PDE4D: variants seen among roughly 807,000 people sequenced by gnomAD.
PDE4D encodes 3',5'-cyclic-AMP phosphodiesterase 4D.
In PDE4D, 24 loss-of-function variants were observed where a neutral mutation model predicts 87.4. That is an observed-to-expected ratio of 0.27 (90% CI 0.20 to 0.39). The LOEUF (loss-of-function observed/expected upper bound fraction) is 0.39, where lower values mean the gene tolerates loss of function less well. Among genes scored for constraint, PDE4D ranks in the 10% least tolerant of loss-of-function variants. PDE4D has a pLI of 1.00. For synonymous variants in PDE4D, 384 were observed against 383.2 expected (o/e 1.00, Z -0.02); for missense variants, 714 against 1,041.0 (o/e 0.69, Z 4.32).
At chr5:60,415,671 A>C (rs1583678760) in intron 1 of PDE4D, among the ~76,000 whole-genome samples, 1 of 152,332 alleles carries the variant, frequency 6.6e-6, no homozygotes, top group African/African-American at 2.4e-5. Context: ...CGGGACCTGC[A>C]GTGCGGCCAC....
intron 1 of PDE4D, among the ~76,000 whole-genome samples, chr5:59,607,098 T>G (rs989633945): frequency 6.6e-6 from 1 of 151,618 alleles, no homozygotes; most frequent in African/African-American, 2.4e-5. Flanking sequence ...TCTGCTTATG[T>G]CAACAGATAC....
chr5:59,136,560 T>G (rs1387729894), intron 5 of PDE4D, among the ~76,000 whole-genome samples: 1 of 152,212 alleles, frequency 6.6e-6, no homozygotes, highest in Non-Finnish European at 1.5e-5. Flanking sequence ...GAATGATCAT[T>G]ATCTCTAGAT....
chr5:59,971,416 G>A (rs1440316563), intron 3 of PDE4D, among the ~76,000 whole-genome samples: 1 of 151,584 alleles, frequency 6.6e-6, no homozygotes, highest in Non-Finnish European at 1.5e-5. Flanking sequence ...GAAACAGAGA[G>A]GAAGAGACAG....
intron 1 of PDE4D, among the ~76,000 whole-genome samples, chr5:59,225,599 T>A (rs549632722): frequency 1.3e-5 from 2 of 152,116 alleles, no homozygotes; most frequent in Admixed American, 6.5e-5. Context: ...AGTTTCCTAA[T>A]CCACAGCAGC....
intron 5 of PDE4D, among the ~76,000 whole-genome samples, chr5:59,089,514 T>C (rs76652580): frequency 0.012 from 1,817 of 152,250 alleles, 28 homozygotes; most frequent in East Asian, 0.044. Context: ...TATCAACTCA[T>C]TGAATTTTCA....
chr5:59,462,237 T>A (rs570838106), intron 1 of PDE4D, among the ~76,000 whole-genome samples: 1 of 151,758 alleles, frequency 6.6e-6, no homozygotes, highest in African/African-American at 2.4e-5. Context: ...ATTATTTTAG[T>A]CTTCATTATC....
chr5:59,112,612 G>C (rs1010808976), intron 5 of PDE4D, among the ~76,000 whole-genome samples: 1 of 152,166 alleles, frequency 6.6e-6, no homozygotes, highest in East Asian at 1.9e-4. Context: ...TTAGATACGA[G>C]ATGTTCTAAA....
chr5:59,398,028 C>G (rs1397285107), intron 1 of PDE4D, among the ~76,000 whole-genome samples: 22 of 129,504 alleles, frequency 1.7e-4, no homozygotes, highest in Non-Finnish European at 3.5e-4. Flanking sequence ...AAGACTAAAC[C>G]AGGAAGAAGT....
At chr5:60,363,362 A>T (rs141848625) in intron 1 of PDE4D, among the ~76,000 whole-genome samples, 1 of 152,104 alleles carries the variant, frequency 6.6e-6, no homozygotes. Context: ...CTACCCTCGA[A>T]CCCTATTCTT....
intron 5 of PDE4D, among the ~76,000 whole-genome samples, chr5:59,167,326 A>G (rs1208607055): frequency 2.6e-5 from 4 of 152,182 alleles, no homozygotes. Flanking sequence ...ATTTTTTTCT[A>G]TGGGAGGATA....
chr5:59,138,075 T>C (rs1239473437), intron 5 of PDE4D, among the ~76,000 whole-genome samples: 1 of 152,246 alleles, frequency 6.6e-6, no homozygotes, highest in African/African-American at 2.4e-5. Flanking sequence ...TTAGTATCCA[T>C]GGCAAGAGAA....
At chr5:59,257,563 A>G (rs1043259535) in intron 1 of PDE4D, among the ~76,000 whole-genome samples, 1 of 152,008 alleles carries the variant, frequency 6.6e-6, no homozygotes, top group Non-Finnish European at 1.5e-5. Flanking sequence ...ACTCACATAT[A>G]TCTACTATCC....
chr5:60,185,808 C>G, intron 1 of PDE4D: 1 of 395,584 alleles, frequency 2.5e-6, no homozygotes, highest in Non-Finnish European at 4.7e-6. Flanking sequence ...TAAAACGGTG[C>G]TGTGTTTAAA....
intron 1 of PDE4D, among the ~76,000 whole-genome samples, chr5:59,888,844 C>G (rs1300670097): frequency 6.6e-6 from 1 of 151,922 alleles, no homozygotes; most frequent in African/African-American, 2.4e-5. Flanking sequence ...CTTTTATAAC[C>G]TAGCATAGAA....
intron 2 of PDE4D, among the ~76,000 whole-genome samples, chr5:60,059,918 C>T (rs1422564932): frequency 6.6e-6 from 1 of 151,956 alleles, no homozygotes; most frequent in African/African-American, 2.4e-5. Flanking sequence ...ATTCATAGCC[C>T]CATGACTCCA....
chr5:59,884,883 C>CGTT (rs145262232), intron 1 of PDE4D, among the ~76,000 whole-genome samples: 13 of 151,348 alleles, frequency 8.6e-5, no homozygotes, highest in Admixed American at 1.3e-4. Flanking sequence ...ATTTCTTTGT[C>CGTT]TGTCAGGTAG....
In PDE4D at chr5:59,114,670, G is replaced by C. The variant is rs1561509133; in HGVS notation, c.808+65925C>G. ...GGAACCCCAGGTCAAAGGAAGGGTGGGGGGAAAGGAAAAGAAAGAGTGTAC... is the reference window on the plus strand; with the variant it reads ...GGAACCCCAGGTCAAAGGAAGGGTGCGGGGAAAGGAAAAGAAAGAGTGTAC... On this transcript the variant is annotated intron_variant, in intron 5 of 14. Coordinates refer to ENST00000340635, the MANE Select transcript of PDE4D (RefSeq NM_001104631.2). Among the ~76,000 whole-genome samples, 6 of 152,172 alleles carry C rather than the reference G, an allele frequency of 3.9e-5. No individual in the cohort carries two copies. The South Asian group carries it at 1.2e-3, about 32-fold the overall frequency.
At chr5:59,988,545 G>A (rs761820619) in exon 3 of PDE4D, 3 of 1,599,356 alleles carry the variant, frequency 1.9e-6, no homozygotes, top group Non-Finnish European at 2.5e-6. Context: ...GGGGAGGCTG[G>A]TTGGTCGTTG....
intron 2 of PDE4D, among the ~76,000 whole-genome samples, chr5:59,199,434 C>T (rs1175566082): frequency 1.3e-5 from 2 of 151,978 alleles, no homozygotes; most frequent in African/African-American, 2.4e-5. Flanking sequence ...CTGTGCTTCA[C>T]TCACTCTTAC....
Sources: allele counts gnomAD v4.1 joint callset (sites outside exome capture counted in the v4.1 genomes callset), GRCh38; gene constraint gnomAD v4.1.1; transcripts MANE v1.5; gene names NCBI Gene and HGNC (gene_info 2026-07-23, HGNC 2026-07-21).